The following NCBP2 variants were observed in gnomAD, a reference collection of about 807,000 sequenced individuals.
NCBP2 encodes the protein nuclear cap-binding protein subunit 2.
A neutral mutation model predicts 21.5 loss-of-function variants in NCBP2; 8 were observed. The observed-to-expected ratio is 0.37, with a 90% CI of 0.22 to 0.67. NCBP2 has a LOEUF of 0.67. Among genes scored for constraint, NCBP2 ranks in the 30% least tolerant of loss-of-function variants. The pLI is 0.56. For missense variants in NCBP2, 127 were observed against 206.9 expected (o/e 0.61, Z 2.37); for synonymous variants, 92 against 75.8 (o/e 1.21, Z -1.11).
chr3:196,937,356 T>TC lies in NCBP2; in HGVS notation c.399+153dup, dbSNP rs566086923. 1,508 of 1,170,850 alleles carry TC rather than the reference T, an allele frequency of 1.3e-3. 37 individuals are homozygous for TC. The Admixed American group carries it at 0.035, about 27-fold the overall frequency. The allele number at this position is 1,170,850 out of a possible 1,614,324, so 72.5% of individuals were successfully genotyped here. On this transcript the variant is annotated intron_variant, in intron 3 of 3. Transcript: ENST00000321256. The stretch of plus-strand genomic sequence containing the variant: ...CCATTTCACGGTTTAAAAAAAAAAT[T>TC]CACCCAAACCGTTGGGTGGTTTTCA...
Position 196,939,236 on chromosome 3 carries a change from C to G in NCBP2, c.260+15G>C. ...CCCTGGTTCAGCAGCTACATTAGAT[C>G]CATGGGAAGGATACTCCACAAAACA... On this transcript the variant is annotated intron_variant, in intron 2 of 3. Coordinates refer to ENST00000321256, the MANE Select transcript of NCBP2 (RefSeq NM_007362.5). 1 of 1,608,038 alleles carries G rather than the reference C, an allele frequency of 6.2e-7. No individual in the cohort carries two copies. Among genetic ancestry groups the G allele is most frequent in the South Asian group, 1.1e-5 (1 of 90,904 alleles).
At chr3:196,941,535 C>T (rs1716566209) in intron 1 of NCBP2, 2 of 232,334 alleles carry the variant, frequency 8.6e-6, no homozygotes, top group Non-Finnish European at 1.7e-5. Flanking sequence ...GGGATTTTTC[C>T]CTTTTCTGAA....
At chr3:196,942,365 C>G (rs1219643372) in intron 1 of NCBP2, 61 bp downstream of exon 1, 10 of 1,577,320 alleles carry the variant, frequency 6.3e-6, no homozygotes, top group Admixed American at 3.7e-5. Context: ...GAGACAAGAG[C>G]AAACCGTTTC....
chr3:196,940,987 G>A (rs971060603), intron 1 of NCBP2: 1 of 152,216 alleles, frequency 6.6e-6, no homozygotes, highest in Admixed American at 6.5e-5. Flanking sequence ...GAGGTGGGTA[G>A]GATCACTTAG....
intron 1 of NCBP2, 55 bp downstream of exon 1, chr3:196,942,371 G>T: frequency 1.3e-6 from 2 of 1,586,094 alleles, no homozygotes; most frequent in Non-Finnish European, 1.7e-6. Flanking sequence ...AGAGCAAACC[G>T]TTTCTCAGCG....
intron 1 of NCBP2, chr3:196,941,997 C>T: frequency 3.3e-6 from 5 of 1,536,238 alleles, no homozygotes; most frequent in Non-Finnish European, 4.4e-6. Context: ...AAGGGCACTG[C>T]TTCGCCGATT....
At chr3:196,941,975 C>T in intron 1 of NCBP2, 1 of 1,536,300 alleles carries the variant, frequency 6.5e-7, no homozygotes, top group Non-Finnish European at 8.7e-7. Context: ...AGAGAAGGGG[C>T]CCGAATCGCC....
In NCBP2 at chr3:196,942,518, G is replaced by A. The variant is rs747298273; in HGVS notation, c.-15C>T. 4.4e-6 allele frequency: 7 copies of A among 1,608,830 alleles called. No individual in the cohort carries two copies. Among genetic ancestry groups the A allele is most frequent in the Admixed American group, 1.7e-5 (1 of 59,260 alleles). On this transcript the variant is annotated 5_prime_UTR_variant, in exon 1 of 4. Coordinates refer to ENST00000321256, the MANE Select transcript of NCBP2 (RefSeq NM_007362.5). The stretch of plus-strand genomic sequence containing the variant: ...CCACCCGACATAGTGCAGAGAAGCG[G>A]ACCACAATGCGGCGACTCCCGGCAC...
chr3:196,942,273 G>T, intron 1 of NCBP2, 153 bp downstream of exon 1: 6 of 1,498,806 alleles, frequency 4.0e-6, no homozygotes, highest in Non-Finnish European at 4.4e-6. Flanking sequence ...CGCCCTTCCA[G>T]CACCCATTCC....
Position 196,942,414 on chromosome 3 carries a change from G to A in NCBP2, c.78+12C>T, listed in dbSNP as rs1483052971. The A allele has an allele frequency of 3.7e-6, 6 of 1,611,080 alleles. No homozygotes were observed. The highest frequency in any genetic ancestry group is 5.1e-6 in the Non-Finnish European group (6 of 1,179,106). ...CCAGGGCCTTCCCGTCTCGCGGCCCGGCCTCCCTCACCCGGAAGTGCTGGT... is the reference window on the plus strand; with the variant it reads ...CCAGGGCCTTCCCGTCTCGCGGCCCAGCCTCCCTCACCCGGAAGTGCTGGT... On this transcript the variant is annotated intron_variant, in intron 1 of 3. Transcript: ENST00000321256.
chr3:196,937,154 T>G, intron 3 of NCBP2, 72 bp from the exon 4 acceptor site: 1 of 1,409,522 alleles, frequency 7.1e-7, no homozygotes, highest in Non-Finnish European at 1.0e-6. Context: ...CACAAACATG[T>G]TAGACAAACA....
intron 2 of NCBP2, chr3:196,939,030 C>T (rs976751930): frequency 7.0e-6 from 3 of 429,072 alleles, no homozygotes; most frequent in African/African-American, 4.1e-5. Flanking sequence ...ACGTGAAGGG[C>T]AAACATTCTT....
intron 1 of NCBP2, 188 bp downstream of exon 1, chr3:196,942,238 G>A (rs931104820): frequency 1.5e-5 from 22 of 1,467,220 alleles, no homozygotes; most frequent in Non-Finnish European, 1.9e-5. Context: ...GTCTTCCAGA[G>A]CAAGTGGCTT....
At chr3:196,942,181 C>CA (rs2108884934) in intron 1 of NCBP2, 4 of 1,456,408 alleles carry the variant, frequency 2.7e-6, no homozygotes, top group Admixed American at 2.6e-5. Context: ...GGCTGGGGTA[C>CA]AGGGAGCGGC....
chr3:196,942,252 T>A (rs777102041), intron 1 of NCBP2, 174 bp downstream of exon 1: 3 of 1,476,962 alleles, frequency 2.0e-6, no homozygotes, highest in Non-Finnish European at 2.7e-6. Flanking sequence ...GTGGCTTCAG[T>A]GATATCCAAG....
At chr3:196,937,700 G>T in intron 2 of NCBP2, 52 bp from the exon 3 acceptor site, 1 of 1,598,382 alleles carries the variant, frequency 6.3e-7, no homozygotes, top group South Asian at 1.1e-5. Context: ...GGAAATAGGG[G>T]AACAACATGT....
chr3:196,936,995 A>G lies in NCBP2; in HGVS notation c.*16T>C, dbSNP rs1305086784. On this transcript the variant is annotated 3_prime_UTR_variant, in exon 4 of 4. Coordinates refer to ENST00000321256, the MANE Select transcript of NCBP2 (RefSeq NM_007362.5). ...CAGGCCAAAGGAGTGTTTGTCACTG[A>G]CAGAGCTCTCACCACTCACTGGTTC... 2 of 1,613,292 alleles carry G rather than the reference A, an allele frequency of 1.2e-6. No individual in the cohort carries two copies. Among genetic ancestry groups the G allele is most frequent in the East Asian group, 2.2e-5 (1 of 44,888 alleles).
At chr3:196,937,800 G>T in intron 2 of NCBP2, 152 bp from the exon 3 acceptor site, 1 of 830,948 alleles carries the variant, frequency 1.2e-6, no homozygotes, top group South Asian at 1.6e-5. Flanking sequence ...GCCTGTTTGC[G>T]ATTGGTTTGG....
rs1033207073 is a variant in NCBP2, at chr3:196,936,221, G to C, written c.*790C>G. On this transcript the variant is annotated 3_prime_UTR_variant, in exon 4 of 4. Coordinates refer to ENST00000321256, the MANE Select transcript of NCBP2 (RefSeq NM_007362.5). ...ATAACACTGACATCTTTTGAAAAAC[G>C]TGTTAGTAAATACTCAAGTTCTGGC... is the stretch of plus-strand genomic sequence containing the variant. 1.3e-5 allele frequency: 2 copies of C among 152,026 alleles called. No homozygotes were observed. Among genetic ancestry groups the C allele is most frequent in the Admixed American group, 1.3e-4 (2 of 15,250 alleles). The allele number at this position is 152,026 out of a possible 1,614,324, so 9.4% of individuals were successfully genotyped here. A position where few individuals can be genotyped will look rare whatever the true frequency, so the allele number is the denominator to read the frequency against.
Sources: allele counts gnomAD v4.1 joint callset, GRCh38; gene constraint gnomAD v4.1.1; transcripts MANE v1.5; gene names NCBI Gene and HGNC (gene_info 2026-07-23, HGNC 2026-07-21).